Variants in ZNF264 observed in about 807,000 individuals in gnomAD.
ZNF264 encodes zinc finger protein 264.
A neutral mutation model predicts 11.2 loss-of-function variants in ZNF264; 11 were observed. That is an observed-to-expected ratio of 0.98 (90% CI 0.62 to 1.63). The LOEUF is 1.63. ZNF264 is among the 40% of genes most tolerant of loss of function. The pLI, the probability that ZNF264 is intolerant of heterozygous loss-of-function variation, is 0.00. For missense variants in ZNF264, 752 were observed against 768.1 expected, an observed-to-expected ratio of 0.98 and a Z score of 0.25; for synonymous variants, 309 against 279.8, an observed-to-expected ratio of 1.10 and a Z score of -1.04.
rs2087409114 is a variant in ZNF264 at position 57,220,435 on chromosome 19, T to TGAA, written c.*7456_*7458dup. ...ACATGCATCTGGCTTTAGGAGTGTT[T>TGAA]GAAGTGCCTAAAGATCAGGGTGAAT... On this transcript the variant is annotated 3_prime_UTR_variant, in exon 4 of 4. Coordinates refer to ENST00000263095, the MANE Select transcript of ZNF264 (RefSeq NM_003417.5). 6.6e-6 allele frequency: 1 copy of TGAA among 152,136 alleles called. No homozygotes were observed. The highest frequency in any genetic ancestry group is 2.4e-5 in the African/African-American group (1 of 41,432). 9.4% of individuals were successfully genotyped at this position (152,136 alleles called of 1,614,324 possible). A position where few individuals can be genotyped will look rare whatever the true frequency, so the allele number is the denominator to read the frequency against.
At chr19:57,209,170 G>A (rs189126972) in intron 3 of ZNF264, among the ~76,000 whole-genome samples, 75 of 152,030 alleles carry the variant, frequency 4.9e-4, no homozygotes, top group Admixed American at 7.2e-4. Flanking sequence ...TTAATTTACT[G>A]TAGTCTAACT....
At chr19:57,192,460 C>A in intron 1 of ZNF264, 1 of 985,410 alleles carries the variant, frequency 1.0e-6, no homozygotes, top group Middle Eastern at 5.2e-4. Context: ...CCCTTACTCT[C>A]ATCGCTACAG....
Position 57,214,019 on chromosome 19 carries a change from GA to G in ZNF264, c.*1040del, listed in dbSNP as rs1345130400. 2.0e-5 allele frequency: 3 copies of G among 152,084 alleles called. No individual in the cohort carries two copies. Among genetic ancestry groups the G allele is most frequent in the African/African-American group, 7.2e-5 (3 of 41,408 alleles). 9.4% of individuals were successfully genotyped at this position (152,084 alleles called of 1,614,324 possible). A position where few individuals can be genotyped will look rare whatever the true frequency, so the allele number is the denominator to read the frequency against. On this transcript the variant is annotated 3_prime_UTR_variant, in exon 4 of 4. Coordinates refer to ENST00000263095, the MANE Select transcript of ZNF264 (RefSeq NM_003417.5). ...TAAATGGCATTGATGTTTGAACTTT[GA>G]ATTGCACACAATTTTTGGTAGTATA...
At chr19:57,198,102 A>G (rs1430474251) in intron 2 of ZNF264, among the ~76,000 whole-genome samples, 1 of 152,012 alleles carries the variant, frequency 6.6e-6, no homozygotes, top group African/African-American at 2.4e-5. Context: ...GCTGAAGGCA[A>G]ATTGCTTCTG....
In ZNF264 at chr19:57,221,292, A is replaced by T. The variant is rs983510247; in HGVS notation, c.*8311A>T. 1 of 151,564 alleles carries T rather than the reference A, an allele frequency of 6.6e-6. No individual in the cohort carries two copies. The highest frequency in any genetic ancestry group is 2.4e-5 in the African/African-American group (1 of 41,192). The allele number at this position is 151,564 out of a possible 1,614,324, so 9.4% of individuals were successfully genotyped here. A position where few individuals can be genotyped will look rare whatever the true frequency, so the allele number is the denominator to read the frequency against. On this transcript the variant is annotated 3_prime_UTR_variant, in exon 4 of 4. Coordinates refer to ENST00000263095, the MANE Select transcript of ZNF264 (RefSeq NM_003417.5). ...CCTCCACCTCCTGACTTCATGATCC[A>T]CCCGCCTCGGCCTCCCAAAGTGCTG...
chr19:57,204,628 T>C (rs1338485385), intron 2 of ZNF264, among the ~76,000 whole-genome samples: 2 of 152,210 alleles, frequency 1.3e-5, no homozygotes, highest in African/African-American at 4.8e-5. Context: ...TCTTTCTCTT[T>C]ATAAATTACC....
At chr19:57,197,236 C>A (rs551872346) in intron 2 of ZNF264, among the ~76,000 whole-genome samples, 1 of 151,928 alleles carries the variant, frequency 6.6e-6, no homozygotes, top group African/African-American at 2.4e-5. Flanking sequence ...TGAGCCCAAT[C>A]ACATATATAC....
chr19:57,210,223 G>T (rs1025621687), intron 3 of ZNF264, among the ~76,000 whole-genome samples: 1 of 151,950 alleles, frequency 6.6e-6, no homozygotes, highest in East Asian at 1.9e-4. Context: ...ACAAGCATAG[G>T]ACTCACTTCA....
At chr19:57,206,583 A>T (rs904724258) in intron 3 of ZNF264, among the ~76,000 whole-genome samples, 1 of 152,112 alleles carries the variant, frequency 6.6e-6, no homozygotes, top group Non-Finnish European at 1.5e-5. Flanking sequence ...ATGTTATGTG[A>T]TACATTAATG....
intron 1 of ZNF264, 136 bp downstream of exon 1, chr19:57,192,082 C>T (rs909008836): frequency 1.9e-5 from 17 of 884,466 alleles, no homozygotes; most frequent in Non-Finnish European, 2.5e-5. Flanking sequence ...GCTGGTTTGC[C>T]ACTTAATTTA....
intron 1 of ZNF264, chr19:57,193,477 T>A (rs1248784809): frequency 2.0e-6 from 2 of 985,290 alleles, no homozygotes; most frequent in African/African-American, 3.5e-5. Flanking sequence ...CTAGTCACTG[T>A]GTTTACACAG....
chr19:57,205,642 G>A, intron 3 of ZNF264, 150 bp downstream of exon 3: 1 of 720,392 alleles, frequency 1.4e-6, no homozygotes, highest in Non-Finnish European at 2.4e-6. Flanking sequence ...TGTTCCATTT[G>A]AGAGCCATGG....
chr19:57,210,439 TACAG>T (rs1482340151), intron 3 of ZNF264, among the ~76,000 whole-genome samples: 1 of 152,198 alleles, frequency 6.6e-6, no homozygotes, highest in African/African-American at 2.4e-5. Flanking sequence ...TCATGTTTAT[TACAG>T]ACAAAGGGAA....
chr19:57,220,078 T>A lies in ZNF264; in HGVS notation c.*7097T>A, dbSNP rs1016826913. 2 of 152,258 alleles carry A rather than the reference T, an allele frequency of 1.3e-5. No homozygotes were observed. 9.4% of individuals were successfully genotyped at this position (152,258 alleles called of 1,614,324 possible). A position where few individuals can be genotyped will look rare whatever the true frequency, so the allele number is the denominator to read the frequency against. On this transcript the variant is annotated 3_prime_UTR_variant, in exon 4 of 4. Transcript: ENST00000263095. Reference sequence around the variant, plus strand: ...GAGCAGAATATAGATAGGCTCAGGTTAAGAATTTGCCCAAGGTTACACAGT... The same window carrying A: ...GAGCAGAATATAGATAGGCTCAGGTAAAGAATTTGCCCAAGGTTACACAGT...
At chr19:57,202,822 G>T (rs567136140) in intron 2 of ZNF264, among the ~76,000 whole-genome samples, 3 of 151,810 alleles carry the variant, frequency 2.0e-5, no homozygotes, top group East Asian at 3.9e-4. Context: ...CAAAGAGGGG[G>T]TCGCGGGAAC....
chr19:57,211,625 C>T lies in ZNF264; in HGVS notation c.528C>T (p.Val176=), dbSNP rs1469827139. The T allele has an allele frequency of 1.2e-6, 2 of 1,614,158 alleles. No homozygotes were observed. Among genetic ancestry groups the T allele is most frequent in the South Asian group, 2.2e-5 (2 of 91,082 alleles). Residue 176 remains valine (V), a synonymous_variant, in exon 4 of 4, where the codon GTC becomes GTT. Coordinates refer to ENST00000263095, the MANE Select transcript of ZNF264 (RefSeq NM_003417.5). Reference sequence around the variant, plus strand: ...GTTCAAGGATTGGACAGGAGCAAGTCTCTCCAGGAGATAGAGTCCGTAGCC... The same window carrying T: ...GTTCAAGGATTGGACAGGAGCAAGTTTCTCCAGGAGATAGAGTCCGTAGCC... The part of the protein sequence containing the change: ...GVCSRIGQEQ[V]SPGDRVRSHN...
Position 57,222,772 on chromosome 19 carries a change from T to C in ZNF264, c.*9791T>C, listed in dbSNP as rs543906263. On this transcript the variant is annotated 3_prime_UTR_variant, in exon 4 of 4. Coordinates refer to ENST00000263095, the MANE Select transcript of ZNF264 (RefSeq NM_003417.5). The stretch of plus-strand genomic sequence containing the variant: ...GTTCATGGCTTCAGTGGGGGAGAGA[T>C]TTAAATAATATGGGTTTATAATTTC... 1 of 152,204 alleles carries C rather than the reference T, an allele frequency of 6.6e-6. No individual in the cohort carries two copies. The highest frequency in any genetic ancestry group is 1.5e-5 in the Non-Finnish European group (1 of 68,026). 9.4% of individuals were successfully genotyped at this position (152,204 alleles called of 1,614,324 possible). A position where few individuals can be genotyped will look rare whatever the true frequency, so the allele number is the denominator to read the frequency against.
Position 57,219,633 on chromosome 19 carries a change from C to T in ZNF264, c.*6652C>T, listed in dbSNP as rs1352082307. ...GTTCTTGAAAGTTGCTGTCTTTCTC[C>T]TCCAGAGGGTCTGTGTCTTCCTTCC... On this transcript the variant is annotated 3_prime_UTR_variant, in exon 4 of 4. Transcript: ENST00000263095. The T allele has an allele frequency of 1.3e-5, 2 of 152,268 alleles. No homozygotes were observed. The highest frequency in any genetic ancestry group is 2.1e-4 in the South Asian group (1 of 4,836). The allele number at this position is 152,268 out of a possible 1,614,324, so 9.4% of individuals were successfully genotyped here. A position where few individuals can be genotyped will look rare whatever the true frequency, so the allele number is the denominator to read the frequency against.
intron 2 of ZNF264, among the ~76,000 whole-genome samples, chr19:57,196,104 G>A (rs1196050276): frequency 2.0e-5 from 3 of 151,846 alleles, no homozygotes; most frequent in African/African-American, 7.3e-5. Flanking sequence ...GAGTAATTAT[G>A]ACTACAAAAG....
Sources: allele counts gnomAD v4.1 joint callset (sites outside exome capture counted in the v4.1 genomes callset), GRCh38; gene constraint gnomAD v4.1.1; transcripts MANE v1.5; gene names NCBI Gene and HGNC (gene_info 2026-07-23, HGNC 2026-07-21).